BTN3A3: variants seen among roughly 807,000 people sequenced by gnomAD.
BTN3A3 encodes butyrophilin subfamily 3 member A3, also known as butyrophilin 3.
A neutral mutation model predicts 43.2 loss-of-function variants in BTN3A3; 39 were observed. The ratio of observed to expected loss-of-function variants is 0.90; its 90% CI spans 0.70 to 1.18. The LOEUF is 1.18. BTN3A3 is among the 50% of genes most tolerant of loss of function. The probability of loss-of-function intolerance (pLI) is 0.00; values close to 1 mark genes in which losing one functional copy is unlikely to be tolerated. For missense variants in BTN3A3, 631 were observed against 722.8 expected (o/e 0.87, Z 1.46); for synonymous variants, 255 against 272.7 (o/e 0.93, Z 0.64).
At position 26,444,310 on chromosome 6, in the gene BTN3A3, C is replaced by A. The variant is rs1390270404; in HGVS notation, c.433+6C>A. The A allele has an allele frequency of 1.9e-6, 3 of 1,611,988 alleles. No homozygotes were observed. The highest frequency in any genetic ancestry group is 4.5e-5 in the East Asian group (2 of 44,878). On this transcript the variant is annotated splice_donor_region_variant and intron_variant, in intron 4 of 10. Transcript: ENST00000244519. ...GGTGGAGCTGAAGGTTGCAGGTGAG[C>A]CTCCAGGTTTTGTTCTGAGAACACT...
At chr6:26,444,369 T>C in intron 4 of BTN3A3, 65 bp downstream of exon 4, 1 of 1,610,652 alleles carries the variant, frequency 6.2e-7, no homozygotes, top group Non-Finnish European at 8.5e-7. Flanking sequence ...GCAGAGTCCC[T>C]CTTCCAAAAG....
At chr6:26,446,677 G>A (rs1762786674) in intron 5 of BTN3A3, among the ~76,000 whole-genome samples, 1 of 152,142 alleles carries the variant, frequency 6.6e-6, no homozygotes, top group African/African-American at 2.4e-5. Flanking sequence ...GGATATGCTT[G>A]CATTTGTATG....
chr6:26,452,174 C>T lies in BTN3A3; in HGVS notation c.1518C>T (p.Pro506=), dbSNP rs1561864925. The T allele has an allele frequency of 6.2e-7, 1 of 1,614,010 alleles. No individual in the cohort carries two copies. Among genetic ancestry groups the T allele is most frequent in the Admixed American group, 1.7e-5 (1 of 59,998 alleles). ...TTTTCAGAATTTTGACCTTGGAGCCCACTGCCCTGACCATTTGCCCAATAC... is the reference window on the plus strand; with the variant it reads ...TTTTCAGAATTTTGACCTTGGAGCCTACTGCCCTGACCATTTGCCCAATAC... The part of the protein sequence containing the change: ...YPVFRILTLE[P]TALTICPIPK... Residue 506 remains proline, a synonymous_variant, in exon 11 of 11, where the codon CCC becomes CCT. Transcript: ENST00000244519.
At chr6:26,440,862 A>T (rs1321173592) in intron 1 of BTN3A3, 1 of 152,098 alleles carries the variant, frequency 6.6e-6, no homozygotes, top group Non-Finnish European at 1.5e-5. Flanking sequence ...GCACATGGAG[A>T]AGAGGCAAGT....
intron 4 of BTN3A3, chr6:26,444,738 T>G: frequency 3.5e-6 from 1 of 289,578 alleles, no homozygotes; most frequent in Non-Finnish European, 6.6e-6. Context: ...CCAGAAACAT[T>G]TTTGTAGTAT....
intron 10 of BTN3A3, 27 bp from the exon 11 acceptor site, chr6:26,451,648 A>C (rs754775913): frequency 2.5e-6 from 4 of 1,590,176 alleles, no homozygotes; most frequent in Non-Finnish European, 3.4e-6. Context: ...GGCTGACCCC[A>C]TGGACACCTC....
chr6:26,448,573 C>A (rs759750443), intron 6 of BTN3A3, 44 bp from the exon 7 acceptor site: 4 of 1,613,634 alleles, frequency 2.5e-6, no homozygotes, highest in African/African-American at 2.7e-5. Flanking sequence ...CCCCCTTACC[C>A]ATAACTGTTC....
chr6:26,444,442 C>G, intron 4 of BTN3A3, 138 bp downstream of exon 4: 1 of 1,356,800 alleles, frequency 7.4e-7, no homozygotes, highest in African/African-American at 1.5e-5. Context: ...CTTAGCTTCT[C>G]TGCAACCCTT....
In BTN3A3 at chr6:26,445,988, C is replaced by T; in HGVS notation, c.715+3C>T. On this transcript the variant is annotated splice_donor_region_variant and intron_variant, in intron 5 of 10. Coordinates refer to ENST00000244519, the MANE Select transcript of BTN3A3 (RefSeq NM_006994.5). The stretch of plus-strand genomic sequence containing the variant: ...GACAGCCAGCATATCCATCGCAGGT[C>T]AGTACCCTGCTTGGCCTCAGCTTTA... The T allele has an allele frequency of 6.2e-7, 1 of 1,613,950 alleles. No individual in the cohort carries two copies. The highest frequency in any genetic ancestry group is 1.3e-5 in the African/African-American group (1 of 75,062).
rs1762836152 is a variant in BTN3A3, at chr6:26,448,296, C to T, written c.764C>T (p.Thr255Ile). 1.2e-5 allele frequency: 19 copies of T among 1,613,816 alleles called. No individual in the cohort carries two copies. Among genetic ancestry groups the T allele is most frequent in the Non-Finnish European group, 1.5e-5 (18 of 1,179,960 alleles). Residue 255 changes from threonine (T) to isoleucine (I), a missense_variant, in exon 6 of 11, where the codon ACC (threonine) becomes ATC (isoleucine). By Grantham distance (89) the Thr-to-Ile change is moderately conservative. This residue lies in a region of BTN3A3 where 551 missense variants were observed against 584.0 expected (regional missense o/e 0.94). Transcript: ENST00000244519. ...CCCTGGATCGCGGCCCTGGCAGGGA[C>T]CCTGCCTATCTCGTTGCTGCTTCTC... ...AQPWIAALAG[T>I]LPISLLLLAG...
At chr6:26,448,844 C>A in intron 8 of BTN3A3, 90 bp downstream of exon 8, 1 of 1,541,428 alleles carries the variant, frequency 6.5e-7, no homozygotes, top group East Asian at 2.3e-5. Flanking sequence ...AGTCTTTGCC[C>A]AGGGTTGAAA....
At position 26,440,654 on chromosome 6, in the gene BTN3A3, T is replaced by C. The variant is rs1451563814; in HGVS notation, c.-67+6T>C. ...TCAGAGGGGAATACTAAGAAGTAAG[T>C]GGGGAATGTTGATTAGAGCCTGGGC... On this transcript the variant is annotated splice_donor_region_variant and intron_variant, in intron 1 of 10. Transcript: ENST00000244519. 1 of 152,146 alleles carries C rather than the reference T, an allele frequency of 6.6e-6. No individual in the cohort carries two copies. Among genetic ancestry groups the C allele is most frequent in the Admixed American group, 6.6e-5 (1 of 15,264 alleles). The allele number at this position is 152,146 out of a possible 1,614,324, so 9.4% of individuals were successfully genotyped here. A position where few individuals can be genotyped will look rare whatever the true frequency, so the allele number is the denominator to read the frequency against.
At chr6:26,440,772 CTGTGTGTG>C (rs55866097) in intron 1 of BTN3A3, 124 bp downstream of exon 1, 3,671 of 147,810 alleles carry the variant, frequency 0.025, 65 homozygotes, top group Middle Eastern at 0.048. Flanking sequence ...TGCAGTGCCT[CTGTGTGTG>C]TGTGTGTGTG....
In BTN3A3 at chr6:26,444,105, G is replaced by C. The variant is rs768407285; in HGVS notation, c.234G>C (p.Val78=). The change falls in exon 4 of 11, where the codon GTG becomes GTC. Residue 78 remains valine (V), a synonymous_variant. Transcript: ENST00000244519. The stretch of plus-strand genomic sequence containing the variant: ...CCAGCCTAAGGCAGGTGGTGAACGT[G>C]TATGCAGATGGAAAGGAAGTGGAAG... ...VSSSLRQVVN[V]YADGKEVEDR... The C allele has an allele frequency of 4.5e-5, 73 of 1,613,814 alleles. No individual in the cohort carries two copies. Among genetic ancestry groups the C allele is most frequent in the Non-Finnish European group, 5.6e-5 (66 of 1,179,870 alleles).
Position 26,450,118 on chromosome 6 carries a change from G to A in BTN3A3, c.1003G>A (p.Ala335Thr). The change falls in exon 10 of 11, where the codon GCC becomes ACC. Residue 335 changes from alanine (A) to threonine (T), a missense_variant. Physicochemically the swap from Ala to Thr is moderately conservative, Grantham distance 58. Transcript: ENST00000244519. The part of the protein sequence containing the change: ...KSLAYHEWKM[A>T]LFKPADVILD... ...CTCCTTCCTTTCAGAATGGAAAATG[G>A]CCCTCTTCAAACCTGGTGAGTAAAT... 6.2e-7 allele frequency: 1 copy of A among 1,613,692 alleles called. No individual in the cohort carries two copies. Among genetic ancestry groups the A allele is most frequent in the Non-Finnish European group, 8.5e-7 (1 of 1,179,666 alleles).
In BTN3A3 at chr6:26,449,706, T is replaced by C. The variant is rs1581658063; in HGVS notation, c.991+18T>C. ...CTATCATGGTGAGTGAGCCTGATGC[T>C]CTCTGGGTTTGCTGGGTCATGTACA... On this transcript the variant is annotated intron_variant, in intron 9 of 10. Transcript: ENST00000244519. 1 of 1,614,060 alleles carries C rather than the reference T, an allele frequency of 6.2e-7. No homozygotes were observed. Among genetic ancestry groups the C allele is most frequent in the Non-Finnish European group, 8.5e-7 (1 of 1,179,882 alleles).
At chr6:26,444,832 G>A (rs1762733444) in intron 4 of BTN3A3, 2 of 201,294 alleles carry the variant, frequency 9.9e-6, no homozygotes, top group Admixed American at 1.1e-4. Flanking sequence ...AGGTTTTAGA[G>A]CAGATTTATT....
At chr6:26,445,390 G>C in intron 4 of BTN3A3, 1 of 324,174 alleles carries the variant, frequency 3.1e-6, no homozygotes, top group Admixed American at 4.4e-5. Flanking sequence ...CCTCAGGCTG[G>C]CTGCATTGCC....
intron 6 of BTN3A3, 70 bp downstream of exon 6, chr6:26,448,518 C>T: frequency 6.2e-7 from 1 of 1,608,060 alleles, no homozygotes; most frequent in Non-Finnish European, 8.5e-7. Context: ...CACCCCCATT[C>T]CCACCCTGAC....
Sources: allele counts gnomAD v4.1 joint callset (sites outside exome capture counted in the v4.1 genomes callset), GRCh38; gene constraint gnomAD v4.1.1; regional missense constraint gnomAD v4.1.1; transcripts MANE v1.5; gene names NCBI Gene and HGNC (gene_info 2026-07-23, HGNC 2026-07-21).